Variants in DEFB126 observed in about 807,000 individuals in gnomAD.
DEFB126 encodes the protein beta-defensin 126.
Under a neutral mutation model 2.5 loss-of-function variants are expected in DEFB126, and 2 were observed. The ratio of observed to expected loss-of-function variants is 0.79; its 90% CI spans 0.32 to 2.49. The LOEUF is 2.49. DEFB126 is among the 30% of genes most tolerant of loss of function. The pLI, the probability that DEFB126 is intolerant of heterozygous loss-of-function variation, is 0.11. For synonymous variants in DEFB126, 51 were observed against 45.4 expected (o/e 1.12, Z -0.50); for missense variants, 136 against 135.4 (o/e 1.00, Z -0.02).
At chr20:143,772 A>C (rs1344495651) in intron 1 of DEFB126, among the ~76,000 whole-genome samples, 2 of 152,114 alleles carry the variant, frequency 1.3e-5, no homozygotes, top group African/African-American at 4.8e-5. Flanking sequence ...ATTTTCAAAC[A>C]TATTGGTTGC....
chr20:145,026 G>A (rs187059897), intron 1 of DEFB126, among the ~76,000 whole-genome samples: 2 of 152,200 alleles, frequency 1.3e-5, no homozygotes, highest in African/African-American at 2.4e-5. Flanking sequence ...AATTATTTTA[G>A]CATTTCTTAT....
chr20:145,440 A>G lies in DEFB126; in HGVS notation c.84A>G (p.Leu28=). 1 of 1,613,906 alleles carries G rather than the reference A, an allele frequency of 6.2e-7. No individual in the cohort carries two copies. Among genetic ancestry groups the G allele is most frequent in the Non-Finnish European group, 8.5e-7 (1 of 1,179,856 alleles). The change falls in exon 2 of 2, where the codon CTA becomes CTG. Residue 28 remains leucine, a synonymous_variant. Transcript: ENST00000382398. ...VSGNWYVKKC[L]NDVGICKKKC... ...GTAATTGGTATGTGAAAAAGTGTCT[A>G]AACGACGTTGGAATTTGCAAGAAGA...
Position 145,458 on chromosome 20 carries a change from C to T in DEFB126, c.102C>T (p.Cys34=), listed in dbSNP as rs532491188. The T allele has an allele frequency of 4.5e-5, 73 of 1,613,828 alleles. 3 individuals carry two copies. In the South Asian group the frequency reaches 7.7e-4, roughly 17 times the overall value. The change falls in exon 2 of 2, where the codon TGC becomes TGT. Residue 34 remains cysteine, a synonymous_variant. Transcript: ENST00000382398. ...AGTGTCTAAACGACGTTGGAATTTG[C>T]AAGAAGAAGTGCAAACCTGAAGAGA... ...VKKCLNDVGI[C]KKKCKPEEMH...
Position 145,517 on chromosome 20 carries a change from AAC to A in DEFB126, c.163_164del (p.Gln55LysfsTer8), listed in dbSNP as rs1491107042. On this transcript the variant is annotated frameshift_variant, in exon 2 of 2. Transcript: ENST00000382398. LOFTEE classifies it low-confidence loss of function (END_TRUNC). ...AAGAATGGTTGGGCAATGTGCGGCA[AAC>A]AAAGGGACTGCTGTGTTCCAGCTGA... 4.3e-6 allele frequency: 5 copies of A among 1,154,438 alleles called. No homozygotes were observed. The African/African-American group carries it at 9.8e-5, about 23-fold the overall frequency. 71.5% of individuals were successfully genotyped at this position (1,154,438 alleles called of 1,614,324 possible).
At chr20:144,266 T>C (rs900928643) in intron 1 of DEFB126, among the ~76,000 whole-genome samples, 4 of 152,100 alleles carry the variant, frequency 2.6e-5, no homozygotes, top group Non-Finnish European at 5.9e-5. Flanking sequence ...TGTGTGTGTA[T>C]ATATATTCTA....
intron 1 of DEFB126, among the ~76,000 whole-genome samples, chr20:143,499 A>AT (rs769575827): frequency 1.3e-5 from 2 of 152,048 alleles, no homozygotes; most frequent in Non-Finnish European, 2.9e-5. Context: ...ATTCTGTCAT[A>AT]TTTTTGTACC....
intron 1 of DEFB126, among the ~76,000 whole-genome samples, chr20:144,997 T>C (rs538135064): frequency 6.6e-6 from 1 of 152,292 alleles, no homozygotes; most frequent in African/African-American, 2.4e-5. Context: ...GTTTCAGTAA[T>C]GGTGAGAAAG....
intron 1 of DEFB126, among the ~76,000 whole-genome samples, chr20:143,176 A>C (rs529838518): frequency 2.0e-5 from 3 of 152,268 alleles, no homozygotes; most frequent in Non-Finnish European, 4.4e-5. Context: ...ATAGGACTGT[A>C]AAATGGAAAA....
In DEFB126 at chr20:145,585, A is replaced by C; in HGVS notation, c.229A>C (p.Thr77Pro). 1 of 1,614,036 alleles carries C rather than the reference A, an allele frequency of 6.2e-7. No homozygotes were observed. The highest frequency in any genetic ancestry group is 8.5e-7 in the Non-Finnish European group (1 of 1,179,954). Residue 77 changes from threonine to proline, a missense_variant, in exon 2 of 2, where the codon ACT (threonine) becomes CCT (proline). Thr to Pro is a conservative substitution (Grantham distance 38). Transcript: ENST00000382398. ...TCCTGTTTTCTGTGTCCAGACAAAG[A>C]CTACAAGAATTTCAACAGTAACAGC... ...NYPVFCVQTKTTRISTVTATT... is the reference protein window; with the variant it reads ...NYPVFCVQTKPTRISTVTATT...
At chr20:144,508 A>T (rs565144565) in intron 1 of DEFB126, among the ~76,000 whole-genome samples, 1 of 151,966 alleles carries the variant, frequency 6.6e-6, no homozygotes, top group African/African-American at 2.4e-5. Context: ...TCCTCAAATC[A>T]TGTCTTTCTG....
intron 1 of DEFB126, 57 bp from the exon 2 acceptor site, chr20:145,358 T>G: frequency 6.5e-7 from 1 of 1,526,798 alleles, no homozygotes; most frequent in East Asian, 2.3e-5. Flanking sequence ...ATTGCTATTT[T>G]TTATCCTCCT....
At position 142,621 on chromosome 20, in the gene DEFB126, G is replaced by A. The variant is rs1457327318; in HGVS notation, c.-8G>A. 6.2e-7 allele frequency: 1 copy of A among 1,613,618 alleles called. No homozygotes were observed. The highest frequency in any genetic ancestry group is 1.3e-5 in the African/African-American group (1 of 74,888). The stretch of plus-strand genomic sequence containing the variant: ...ACTTCTGGACTCTATAGAACCCACT[G>A]CCTCCTGATGAAGTCCCTACTGTTC... On this transcript the variant is annotated 5_prime_UTR_variant, in exon 1 of 2. Transcript: ENST00000382398.
chr20:143,317 G>A (rs1194367999), intron 1 of DEFB126, among the ~76,000 whole-genome samples: 1 of 152,098 alleles, frequency 6.6e-6, no homozygotes, highest in Non-Finnish European at 1.5e-5. Context: ...AACACTGAAA[G>A]TTATTTAGAA....
Position 145,367 on chromosome 20 carries a change from C to T in DEFB126, c.59-48C>T, listed in dbSNP as rs142181217. 1,564 of 1,554,052 alleles carry T rather than the reference C, an allele frequency of 1.0e-3. 9 individuals are homozygous for T. The African/African-American group carries it at 0.017, about 17-fold the overall frequency. On this transcript the variant is annotated intron_variant, in intron 1 of 1. Coordinates refer to ENST00000382398, the MANE Select transcript of DEFB126 (RefSeq NM_030931.4). ...AAAACTATTGCTATTTTTTATCCTC[C>T]TGTGATAAATACTTAGGCTTAATAA...
intron 1 of DEFB126, among the ~76,000 whole-genome samples, chr20:144,437 G>A (rs953024706): frequency 6.6e-6 from 1 of 151,984 alleles, no homozygotes; most frequent in African/African-American, 2.4e-5. Flanking sequence ...ATCACAATCT[G>A]TAGTTATTTT....
chr20:144,427 A>G (rs1302915316), intron 1 of DEFB126, among the ~76,000 whole-genome samples: 1 of 152,054 alleles, frequency 6.6e-6, no homozygotes, highest in Non-Finnish European at 1.5e-5. Flanking sequence ...TATTGTACTT[A>G]TCACAATCTG....
chr20:143,004 A>AC (rs1161045291), intron 1 of DEFB126, among the ~76,000 whole-genome samples: 11 of 144,418 alleles, frequency 7.6e-5, no homozygotes, highest in African/African-American at 2.7e-4. Flanking sequence ...GCCTCATTTC[A>AC]CTTTTGTTTT....
chr20:144,449 T>C (rs747933120), intron 1 of DEFB126, among the ~76,000 whole-genome samples: 4 of 152,140 alleles, frequency 2.6e-5, no homozygotes, highest in African/African-American at 9.6e-5. Flanking sequence ...AGTTATTTTG[T>C]TTATTCATTT....
rs200807952 is a variant in DEFB126 at position 145,513 on chromosome 20, GGCAA to G, written c.158_161del (p.Gly53AspfsTer30). On this transcript the variant is annotated frameshift_variant, in exon 2 of 2. Coordinates refer to ENST00000382398, the MANE Select transcript of DEFB126 (RefSeq NM_030931.4). LOFTEE classifies it low-confidence loss of function (END_TRUNC). ...TGTAAAGAATGGTTGGGCAATGTGC[GGCAA>G]ACAAAGGGACTGCTGTGTTCCAGCT... The G allele has an allele frequency of 1.9e-6, 3 of 1,607,724 alleles. No homozygotes were observed. The highest frequency in any genetic ancestry group is 2.5e-6 in the Non-Finnish European group (3 of 1,178,272).
Sources: gnomAD v4.1 joint callset for allele counts (sites outside exome capture counted in the v4.1 genomes callset) on GRCh38, gnomAD v4.1.1 for gene constraint, MANE v1.5 for transcripts, NCBI Gene and HGNC (gene_info 2026-07-23, HGNC 2026-07-21) for gene names.